The following MYRFL variants were observed in gnomAD, a reference collection of about 807,000 sequenced individuals.
The protein encoded by MYRFL is myelin regulatory factor-like protein.
Under a neutral mutation model 109.4 loss-of-function variants are expected in MYRFL, and 88 were observed. The ratio of observed to expected loss-of-function variants is 0.80; its 90% CI spans 0.68 to 0.96. The LOEUF (loss-of-function observed/expected upper bound fraction) is 0.96, where lower values mean the gene tolerates loss of function less well. MYRFL is among the 40% of genes least tolerant of loss of function. The pLI is 0.00. For missense variants in MYRFL, 957 were observed against 954.9 expected (o/e 1.00, Z -0.03); for synonymous variants, 324 against 320.9 (o/e 1.01, Z -0.10).
At chr12:69,932,676 G>C in intron 16 of MYRFL, 78 bp downstream of exon 16, 2 of 1,058,132 alleles carry the variant, frequency 1.9e-6, no homozygotes, top group Admixed American at 2.1e-5. Context: ...TATGAACTGG[G>C]GACTGGCCTG....
At chr12:69,840,559 C>A (rs1446372250) in intron 1 of MYRFL, among the ~76,000 whole-genome samples, 1 of 152,250 alleles carries the variant, frequency 6.6e-6, no homozygotes, top group Non-Finnish European at 1.5e-5. Context: ...TGCCTTAGTG[C>A]TGCTCACTGT....
chr12:69,866,500 T>C (rs528584307), intron 2 of MYRFL, among the ~76,000 whole-genome samples: 1 of 152,344 alleles, frequency 6.6e-6, no homozygotes, highest in Non-Finnish European at 1.5e-5. Flanking sequence ...CATAGTTTCA[T>C]ATCACAACAG....
rs541807323 is a variant in MYRFL at position 69,873,654 on chromosome 12, T to A, written c.138-5374T>A. Among the ~76,000 whole-genome samples the A allele has an allele frequency of 8.3e-4, 127 of 152,330 alleles. 2 individuals are homozygous for A. The Middle Eastern group carries it at 0.017, about 20-fold the overall frequency. ...ACTGGAAAAAGGGGATGATTCATGG[T>A]TTATGATTTCATCATGCTACTCAGA... On this transcript the variant is annotated intron_variant, in intron 2 of 24. Coordinates refer to ENST00000552032, the MANE Select transcript of MYRFL (RefSeq NM_182530.3).
At chr12:69,829,493 A>G (rs1460057088) in intron 1 of MYRFL, among the ~76,000 whole-genome samples, 1 of 152,102 alleles carries the variant, frequency 6.6e-6, no homozygotes, top group Non-Finnish European at 1.5e-5. Context: ...ATTGCTGTGT[A>G]GAGGAGAGCC....
chr12:69,854,500 C>T (rs957743566), intron 1 of MYRFL, among the ~76,000 whole-genome samples: 6 of 152,142 alleles, frequency 3.9e-5, no homozygotes, highest in Non-Finnish European at 8.8e-5. Context: ...TCTCCTGCCT[C>T]AGCCTCCTGA....
At chr12:69,834,451 C>T (rs1165680452) in intron 1 of MYRFL, among the ~76,000 whole-genome samples, 1 of 152,114 alleles carries the variant, frequency 6.6e-6, no homozygotes, top group Non-Finnish European at 1.5e-5. Flanking sequence ...GCTTTGAATC[C>T]TGGTTTCTTT....
At chr12:69,950,030 T>A (rs888547167) in intron 19 of MYRFL, among the ~76,000 whole-genome samples, 5 of 152,194 alleles carry the variant, frequency 3.3e-5, no homozygotes, top group Admixed American at 1.3e-4. Flanking sequence ...TTGTTATCCT[T>A]CAGTGCAAAA....
intron 19 of MYRFL, among the ~76,000 whole-genome samples, chr12:69,942,327 C>T (rs1363389355): frequency 7.4e-6 from 1 of 135,292 alleles, no homozygotes; most frequent in East Asian, 2.1e-4. Context: ...CATCAAAAAG[C>T]TTATCCACCA....
chr12:69,849,988 C>T (rs1357416672), intron 1 of MYRFL, among the ~76,000 whole-genome samples: 1 of 152,122 alleles, frequency 6.6e-6, no homozygotes, highest in African/African-American at 2.4e-5. Flanking sequence ...CCCATAATTC[C>T]CACGTGTTGT....
At chr12:69,930,476 G>C (rs1395908508) in intron 15 of MYRFL, among the ~76,000 whole-genome samples, 3 of 152,072 alleles carry the variant, frequency 2.0e-5, no homozygotes, top group East Asian at 3.9e-4. Context: ...AGCTCCCCAG[G>C]GTTCAAATAA....
intron 2 of MYRFL, among the ~76,000 whole-genome samples, chr12:69,861,888 C>T (rs1481459932): frequency 6.6e-6 from 1 of 151,852 alleles, no homozygotes; most frequent in Non-Finnish European, 1.5e-5. Flanking sequence ...TTAGGTCTAA[C>T]ATGTAAGTCT....
chr12:69,860,622 T>C (rs986353446), intron 2 of MYRFL, among the ~76,000 whole-genome samples: 5 of 152,126 alleles, frequency 3.3e-5, no homozygotes, highest in Non-Finnish European at 7.4e-5. Flanking sequence ...TCCCCTCTGC[T>C]TCTTGTACTT....
At chr12:69,827,194 C>T (rs1039540147) in intron 1 of MYRFL, among the ~76,000 whole-genome samples, 2 of 151,896 alleles carry the variant, frequency 1.3e-5, no homozygotes, top group Admixed American at 6.6e-5. Flanking sequence ...AATTTGTTAC[C>T]CACCTGAAAG....
At chr12:69,862,776 C>A (rs1426619936) in intron 2 of MYRFL, among the ~76,000 whole-genome samples, 1 of 152,196 alleles carries the variant, frequency 6.6e-6, no homozygotes, top group Admixed American at 6.5e-5. Flanking sequence ...GCCAGAACTT[C>A]CAACACTACG....
At position 69,880,210 on chromosome 12, in the gene MYRFL, G is replaced by T. The variant is rs145128148; in HGVS notation, c.474G>T (p.Leu158Phe). The change falls in exon 5 of 25, where the codon TTG becomes TTT. Residue 158 changes from leucine (L) to phenylalanine (F), a missense_variant. Leu to Phe is a conservative substitution (Grantham distance 22, BLOSUM62 0). Coordinates refer to ENST00000552032, the MANE Select transcript of MYRFL (RefSeq NM_182530.3). ...GGTGTCTTGATTTTAGAGCCTCATT[G>T]CCTCCAACCAAGAAGAGAAAGTGCA... is the stretch of plus-strand genomic sequence containing the variant. ...QPLCHSPGASLPPTKKRKCTQ... is the reference protein window; with the variant it reads ...QPLCHSPGASFPPTKKRKCTQ... The T allele has an allele frequency of 4.3e-5, 30 of 702,632 alleles. No homozygotes were observed. In the East Asian group the frequency reaches 7.8e-4, roughly 18 times the overall value. The allele number at this position is 702,632 out of a possible 1,614,324, so 43.5% of individuals were successfully genotyped here. A position where few individuals can be genotyped will look rare whatever the true frequency, so the allele number is the denominator to read the frequency against.
intron 10 of MYRFL, among the ~76,000 whole-genome samples, chr12:69,899,450 A>G (rs2136343577): frequency 6.6e-6 from 1 of 151,914 alleles, no homozygotes; most frequent in Non-Finnish European, 1.5e-5. Flanking sequence ...CCAACATTCT[A>G]CAAAAGAGCC....
intron 16 of MYRFL, 140 bp from the exon 17 acceptor site, chr12:69,935,973 C>G: frequency 1.1e-6 from 1 of 940,604 alleles, no homozygotes; most frequent in Admixed American, 2.9e-5. Context: ...TTCTGTCAGC[C>G]GTGGCCATCC....
At chr12:69,850,370 TATAAA>T (rs1352770595) in intron 1 of MYRFL, among the ~76,000 whole-genome samples, 1 of 151,758 alleles carries the variant, frequency 6.6e-6, no homozygotes, top group Non-Finnish European at 1.5e-5. Context: ...TTAAATTTAA[TATAAA>T]ATATTAATTT....
At chr12:69,934,395 G>T (rs576412400) in intron 16 of MYRFL, among the ~76,000 whole-genome samples, 6 of 152,346 alleles carry the variant, frequency 3.9e-5, no homozygotes, top group African/African-American at 1.4e-4. Flanking sequence ...AGCCCCAGAG[G>T]GGGTGTTAGG....
Sources: allele counts gnomAD v4.1 joint callset (sites outside exome capture counted in the v4.1 genomes callset), GRCh38; gene constraint gnomAD v4.1.1; transcripts MANE v1.5; gene names NCBI Gene and HGNC (gene_info 2026-07-23, HGNC 2026-07-21).